Variants in TMEM128 observed in about 807,000 individuals in gnomAD.
TMEM128 encodes the protein transmembrane protein 128.
In TMEM128, 16 loss-of-function variants were observed where a neutral mutation model predicts 19.7. That is an observed-to-expected ratio of 0.81 (90% CI 0.55 to 1.23). TMEM128 has a LOEUF of 1.23. Among genes scored for constraint, TMEM128 ranks in the 50% most tolerant of loss-of-function variants. The pLI, the probability that TMEM128 is intolerant of heterozygous loss-of-function variation, is 0.00. For synonymous variants in TMEM128, 98 were observed against 75.8 expected (o/e 1.29, Z -1.52); for missense variants, 237 against 200.8 (o/e 1.18, Z -1.09).
intron 4 of TMEM128, among the ~76,000 whole-genome samples, chr4:4,237,581 C>A (rs1209277847): frequency 6.6e-6 from 1 of 152,160 alleles, no homozygotes; most frequent in African/African-American, 2.4e-5. Context: ...GTGGTCAAGG[C>A]TGCAGTGAGC....
At chr4:4,237,463 ACT>A (rs1438353848) in intron 4 of TMEM128, among the ~76,000 whole-genome samples, 1 of 152,034 alleles carries the variant, frequency 6.6e-6, no homozygotes, top group Non-Finnish European at 1.5e-5. Flanking sequence ...ACATAAGGAG[ACT>A]CTGTTTCTAC....
intron 1 of TMEM128, among the ~76,000 whole-genome samples, chr4:4,246,723 G>A (rs941428541): frequency 6.6e-6 from 1 of 151,942 alleles, no homozygotes; most frequent in African/African-American, 2.4e-5. Flanking sequence ...AACTGGACTT[G>A]TGGTCTTCCA....
rs776300270 is a variant in TMEM128 at position 4,247,642 on chromosome 4, C to T, written c.97+464G>A. The T allele has an allele frequency of 1.7e-5, 27 of 1,614,232 alleles. No individual in the cohort carries two copies. The South Asian group carries it at 2.9e-4, about 17-fold the overall frequency. On this transcript the variant is annotated intron_variant, in intron 1 of 4. Coordinates refer to ENST00000382753, the MANE Select transcript of TMEM128 (RefSeq NM_001297551.2). Reference sequence around the variant, plus strand: ...TGGCGGCATACCATAGTGTTCCACACTTCCCTTTGAAAATCATCCCCATTG... The same window carrying T: ...TGGCGGCATACCATAGTGTTCCACATTTCCCTTTGAAAATCATCCCCATTG...
rs897395350 is a variant in TMEM128, at chr4:4,240,233, C to A, written c.398+88G>T. The stretch of plus-strand genomic sequence containing the variant: ...CTATTTTTCTGTTTTAACTTTTTTT[C>A]TTTCGAAGTTTGGACCAAGCATATC... On this transcript the variant is annotated intron_variant, in intron 3 of 4. Coordinates refer to ENST00000382753, the MANE Select transcript of TMEM128 (RefSeq NM_001297551.2). 7 of 1,358,928 alleles carry A rather than the reference C, an allele frequency of 5.2e-6. No individual in the cohort carries two copies. In the African/African-American group the frequency reaches 7.4e-5, roughly 14 times the overall value. The allele number at this position is 1,358,928 out of a possible 1,614,324, so 84.2% of individuals were successfully genotyped here.
intron 3 of TMEM128, among the ~76,000 whole-genome samples, chr4:4,238,686 AG>A (rs1349208001): frequency 4.6e-5 from 7 of 152,186 alleles, no homozygotes; most frequent in African/African-American, 1.7e-4. Context: ...CTTCAACTAC[AG>A]AAAATAAGTC....
intron 2 of TMEM128, among the ~76,000 whole-genome samples, chr4:4,241,737 C>G: frequency 6.6e-6 from 1 of 152,162 alleles, no homozygotes; most frequent in East Asian, 1.9e-4. Flanking sequence ...TTGAGCAAGA[C>G]TAGTTTTGTG....
At chr4:4,243,288 T>C (rs1240218030) in intron 2 of TMEM128, among the ~76,000 whole-genome samples, 1 of 152,082 alleles carries the variant, frequency 6.6e-6, no homozygotes, top group Non-Finnish European at 1.5e-5. Context: ...TTCACCGCGT[T>C]AGCCAGGATG....
At chr4:4,237,437 C>T (rs1349511485) in intron 4 of TMEM128, among the ~76,000 whole-genome samples, 1 of 152,144 alleles carries the variant, frequency 6.6e-6, no homozygotes, top group Non-Finnish European at 1.5e-5. Flanking sequence ...GCCCCCAACC[C>T]CCGCCAGCCT....
intron 2 of TMEM128, among the ~76,000 whole-genome samples, chr4:4,244,843 G>A (rs2108821107): frequency 6.6e-6 from 1 of 152,294 alleles, no homozygotes; most frequent in African/African-American, 2.4e-5. Context: ...CACTCAATCA[G>A]TCACGCCACC....
chr4:4,244,252 G>C (rs1327013394), intron 2 of TMEM128, among the ~76,000 whole-genome samples: 1 of 152,120 alleles, frequency 6.6e-6, no homozygotes, highest in Non-Finnish European at 1.5e-5. Flanking sequence ...AAGGTGGGAG[G>C]ATCACTGGAG....
intron 4 of TMEM128, 37 bp downstream of exon 4, chr4:4,237,790 G>A (rs762559328): frequency 1.4e-5 from 20 of 1,379,700 alleles, no homozygotes; most frequent in Non-Finnish European, 1.8e-5. Flanking sequence ...TTTTTCAAAC[G>A]AGTTCATTTT....
In TMEM128 at chr4:4,240,370, G is replaced by A; in HGVS notation, c.349C>T (p.Pro117Ser). ...CGIGEYDVKY[P>S]ALIPITTASF... is the part of the protein sequence containing the mutation. ...GCAGTGGTAATGGGTATCAAGGCTG[G>A]ATACTTGACATCATATTCTCCAATT... Residue 117 changes from proline to serine, a missense_variant, in exon 3 of 5, where the codon CCA becomes TCA. Coordinates refer to ENST00000382753, the MANE Select transcript of TMEM128 (RefSeq NM_001297551.2). 1 of 1,614,104 alleles carries A rather than the reference G, an allele frequency of 6.2e-7. No homozygotes were observed.
chr4:4,240,526 G>A (rs768748517), intron 2 of TMEM128, 47 bp from the exon 3 acceptor site: 11 of 1,569,960 alleles, frequency 7.0e-6, no homozygotes, highest in African/African-American at 2.8e-5. Flanking sequence ...TTAATGAATC[G>A]TCACATATCT....
At chr4:4,245,294 G>C (rs1375081947) in intron 2 of TMEM128, among the ~76,000 whole-genome samples, 2 of 152,122 alleles carry the variant, frequency 1.3e-5, no homozygotes, top group Non-Finnish European at 2.9e-5. Context: ...TATACTGAAA[G>C]GATCTCAGTC....
At chr4:4,238,416 TA>T (rs1356759880) in intron 3 of TMEM128, among the ~76,000 whole-genome samples, 2 of 152,192 alleles carry the variant, frequency 1.3e-5, no homozygotes, top group African/African-American at 4.8e-5. Flanking sequence ...ACACTAAGTA[TA>T]AAGATTTTTA....
chr4:4,241,699 A>G (rs1284672770), intron 2 of TMEM128, among the ~76,000 whole-genome samples: 1 of 152,174 alleles, frequency 6.6e-6, no homozygotes, highest in East Asian at 1.9e-4. Flanking sequence ...AGCCTCTGAA[A>G]TCTGTCTGTA....
At chr4:4,246,526 T>G (rs111922959) in intron 1 of TMEM128, among the ~76,000 whole-genome samples, 183 bp from the exon 2 acceptor site, 1 of 152,194 alleles carries the variant, frequency 6.6e-6, no homozygotes, top group Non-Finnish European at 1.5e-5. Context: ...CTATAAAATA[T>G]GGTCAATACA....
chr4:4,247,788 GA>G (rs1718251989), intron 1 of TMEM128: 1 of 1,470,048 alleles, frequency 6.8e-7, no homozygotes. Flanking sequence ...ATCCTGAAGT[GA>G]AACACTGCGC....
At chr4:4,241,411 C>T (rs1056157862) in intron 2 of TMEM128, among the ~76,000 whole-genome samples, 42 of 152,212 alleles carry the variant, frequency 2.8e-4, no homozygotes, top group Non-Finnish European at 4.8e-4. Context: ...CTGGACAACC[C>T]CTTCCCTCCA....
Sources: allele counts gnomAD v4.1 joint callset (sites outside exome capture counted in the v4.1 genomes callset), GRCh38; gene constraint gnomAD v4.1.1; transcripts MANE v1.5; gene names NCBI Gene and HGNC (gene_info 2026-07-23, HGNC 2026-07-21).